DOCK2: variants seen among roughly 807,000 people sequenced by gnomAD.
DOCK2 encodes the protein dedicator of cytokinesis protein 2.
In DOCK2, 87 loss-of-function variants were observed where a neutral mutation model predicts 248.9. That is an observed-to-expected ratio of 0.35 (90% CI 0.29 to 0.42). The LOEUF (loss-of-function observed/expected upper bound fraction) is 0.42, where lower values mean the gene tolerates loss of function less well. DOCK2 is among the 10% of genes least tolerant of loss of function. The pLI, the probability that DOCK2 is intolerant of heterozygous loss-of-function variation, is 1.00. For missense variants in DOCK2, 1,747 were observed against 2,300.2 expected (o/e 0.76, Z 4.92); for synonymous variants, 805 against 821.6 (o/e 0.98, Z 0.35).
intron 23 of DOCK2, among the ~76,000 whole-genome samples, chr5:169,756,115 C>G (rs1764182540): frequency 2.0e-5 from 3 of 152,180 alleles, no homozygotes; most frequent in African/African-American, 4.8e-5. Context: ...CCCTCTGAGA[C>G]TCAGGTGACA....
At chr5:170,008,138 C>A (rs1346754900) in intron 30 of DOCK2, among the ~76,000 whole-genome samples, 4 of 151,714 alleles carry the variant, frequency 2.6e-5, no homozygotes, top group Non-Finnish European at 5.9e-5. Context: ...CTCTCCACAG[C>A]ACGCAGCTAG....
At position 169,900,227 on chromosome 5, in the gene DOCK2, C is replaced by T. The variant is rs151169812; in HGVS notation, c.2799+59375C>T. Among the ~76,000 whole-genome samples, 26 of 152,272 alleles carry T rather than the reference C, an allele frequency of 1.7e-4. No homozygotes were observed. In the East Asian group the frequency reaches 4.2e-3, roughly 25 times the overall value. On this transcript the variant is annotated intron_variant, in intron 27 of 51. Coordinates refer to ENST00000520908, the MANE Select transcript of DOCK2 (RefSeq NM_004946.3). ...AGCAAGGTCAGGTATTGTAGAAATC[C>T]ACCATCCCAGGCCCTAACCTGTTGG... is the stretch of plus-strand genomic sequence containing the variant.
At chr5:169,705,256 C>T (rs943206593) in intron 14 of DOCK2, among the ~76,000 whole-genome samples, 127 of 152,268 alleles carry the variant, frequency 8.3e-4, no homozygotes, top group African/African-American at 2.9e-3. Context: ...GAGAAGAGGA[C>T]CAAGTGCAGG....
intron 14 of DOCK2, among the ~76,000 whole-genome samples, chr5:169,706,168 A>C (rs1306076750): frequency 1.3e-5 from 2 of 152,230 alleles, no homozygotes; most frequent in Non-Finnish European, 2.9e-5. Context: ...GCCTTAGGAA[A>C]TCAAAAATTT....
At chr5:169,755,471 G>A (rs1175154679) in intron 23 of DOCK2, among the ~76,000 whole-genome samples, 1 of 152,106 alleles carries the variant, frequency 6.6e-6, no homozygotes, top group African/African-American at 2.4e-5. Flanking sequence ...GGCTGGGCAC[G>A]GTGGCTCCAG....
chr5:169,898,528 AAACAACAAC>A lies in DOCK2; in HGVS notation c.2799+57702_2799+57710del, dbSNP rs36216194. Among the ~76,000 whole-genome samples, 1,279 of 151,238 alleles carry A rather than the reference AAACAACAAC, an allele frequency of 8.5e-3. 15 individuals carry two copies. The highest frequency in any genetic ancestry group is 0.025 in the African/African-American group (1,013 of 41,116). ...TCCTCTACATGCACACACACACACA[AAACAACAAC>A]AACAACAACAACAACAACAACAACA... On this transcript the variant is annotated intron_variant, in intron 27 of 51. Coordinates refer to ENST00000520908, the MANE Select transcript of DOCK2 (RefSeq NM_004946.3).
At chr5:170,028,013 A>C in intron 34 of DOCK2, 65 bp downstream of exon 34, 1 of 1,457,528 alleles carries the variant, frequency 6.9e-7, no homozygotes, top group Non-Finnish European at 9.3e-7. Flanking sequence ...AGGGCTCAGA[A>C]CTCCAGGGGG....
At chr5:170,037,516 C>A (rs946528841) in intron 36 of DOCK2, among the ~76,000 whole-genome samples, 6 of 136,300 alleles carry the variant, frequency 4.4e-5, no homozygotes, top group Admixed American at 1.6e-4. Flanking sequence ...GACAGAGTTT[C>A]GCTCTTGTTG....
intron 19 of DOCK2, 51 bp downstream of exon 19, chr5:169,714,508 C>G: frequency 6.3e-7 from 1 of 1,594,540 alleles, no homozygotes; most frequent in Non-Finnish European, 8.6e-7. Context: ...ACAGAACTCT[C>G]CATGTGGGTG....
chr5:169,984,648 T>C (rs1021743014), intron 28 of DOCK2, among the ~76,000 whole-genome samples: 3 of 152,186 alleles, frequency 2.0e-5, no homozygotes, highest in Admixed American at 6.5e-5. Flanking sequence ...ACCATAAACA[T>C]GCACACACGT....
intron 10 of DOCK2, 34 bp from the exon 11 acceptor site, chr5:169,698,340 G>A (rs754982651): frequency 5.0e-6 from 8 of 1,606,350 alleles, no homozygotes; most frequent in Non-Finnish European, 6.8e-6. Context: ...ACAGGAAGAA[G>A]TTAAACCATT....
chr5:169,814,831 G>T (rs1176026188), intron 26 of DOCK2, among the ~76,000 whole-genome samples: 1 of 152,074 alleles, frequency 6.6e-6, no homozygotes, highest in Non-Finnish European at 1.5e-5. Flanking sequence ...GTAAAAACCT[G>T]ATAGATACAG....
chr5:170,055,343 C>T lies in DOCK2; in HGVS notation c.4252C>T (p.His1418Tyr), dbSNP rs1757086207. Residue 1418 changes from histidine to tyrosine, a missense_variant, in exon 42 of 52, where the codon CAT becomes TAT. By Grantham distance (83) the His-to-Tyr change is moderately conservative. Coordinates refer to ENST00000520908, the MANE Select transcript of DOCK2 (RefSeq NM_004946.3). ...CACTGTCCAGCCTGTCTTGGATGAACATCCCAGGTTCAAGAATAAGCCAGT... is the reference window on the plus strand; with the variant it reads ...CACTGTCCAGCCTGTCTTGGATGAATATCCCAGGTTCAAGAATAAGCCAGT... ...CFTVQPVLDE[H>Y]PRFKNKPVPD... The T allele has an allele frequency of 3.1e-6, 5 of 1,614,102 alleles. No individual in the cohort carries two copies. The highest frequency in any genetic ancestry group is 2.2e-5 in the East Asian group (1 of 44,888).
chr5:169,750,582 G>T (rs954124484), intron 23 of DOCK2, among the ~76,000 whole-genome samples: 39 of 152,252 alleles, frequency 2.6e-4, no homozygotes, highest in East Asian at 1.9e-4. Flanking sequence ...TTACCCAGGT[G>T]GTTCTTGTCT....
chr5:169,718,911 G>A, intron 22 of DOCK2, 120 bp downstream of exon 22: 2 of 1,364,166 alleles, frequency 1.5e-6, no homozygotes, highest in South Asian at 1.6e-5. Context: ...ATCAAAAACA[G>A]CTCAAGAATC....
rs755086164 is a variant in DOCK2, at chr5:169,983,129, T to C, written c.2861T>C (p.Phe954Ser). 1 of 1,614,094 alleles carries C rather than the reference T, an allele frequency of 6.2e-7. No homozygotes were observed. Among genetic ancestry groups the C allele is most frequent in the Non-Finnish European group, 8.5e-7 (1 of 1,179,912 alleles). The change falls in exon 28 of 52, where the codon TTC (phenylalanine) becomes TCC (serine). Residue 954 changes from phenylalanine (F) to serine (S), a missense_variant. Around this residue, in one of 4 missense-constraint regions of DOCK2, gnomAD observed 858 missense variants for 1,183.5 expected, o/e 0.72. Transcript: ENST00000520908. ...LNQMGDQHYS[F>S]YIETFQTSSE... ...CAGATGGGTGACCAGCACTACTCCT[T>C]CTACATTGAGACCTTCCAGACCAGC...
At chr5:169,714,329 G>C in intron 18 of DOCK2, 31 bp from the exon 19 acceptor site, 1 of 1,613,880 alleles carries the variant, frequency 6.2e-7, no homozygotes, top group African/African-American at 1.3e-5. Flanking sequence ...GGCCAGTAAT[G>C]ATACTTCTGA....
chr5:169,666,960 C>G (rs1758769234), intron 2 of DOCK2, among the ~76,000 whole-genome samples: 1 of 152,186 alleles, frequency 6.6e-6, no homozygotes. Flanking sequence ...GTGTAAGTGT[C>G]AGCAGAATCC....
intron 22 of DOCK2, among the ~76,000 whole-genome samples, chr5:169,745,888 G>T (rs1449890253): frequency 5.3e-5 from 8 of 152,180 alleles, no homozygotes; most frequent in African/African-American, 1.9e-4. Flanking sequence ...AGTGAGCTGT[G>T]TAAAAGCCGG....
Sources: gnomAD v4.1 joint callset for allele counts (sites outside exome capture counted in the v4.1 genomes callset) on GRCh38, gnomAD v4.1.1 for gene constraint, gnomAD v4.1.1 regional missense constraint, MANE v1.5 for transcripts, NCBI Gene and HGNC (gene_info 2026-07-23, HGNC 2026-07-21) for gene names.